The following CPA6 variants were observed in gnomAD, a reference collection of about 807,000 sequenced individuals.
CPA6 encodes the protein carboxypeptidase B.
Under a neutral mutation model 63.3 loss-of-function variants are expected in CPA6, and 58 were observed. The ratio of observed to expected loss-of-function variants is 0.92; its 90% CI spans 0.74 to 1.14. The LOEUF (loss-of-function observed/expected upper bound fraction) is 1.14, where lower values mean the gene tolerates loss of function less well. Among genes scored for constraint, CPA6 ranks in the 50% most tolerant of loss-of-function variants. The probability of loss-of-function intolerance (pLI) is 0.00; values close to 1 mark genes in which losing one functional copy is unlikely to be tolerated. For synonymous variants in CPA6, 185 were observed against 179.0 expected (o/e 1.03, Z -0.27); for missense variants, 565 against 526.6 (o/e 1.07, Z -0.71).
At chr8:67,642,632 G>A (rs1815618713) in intron 1 of CPA6, among the ~76,000 whole-genome samples, 1 of 152,176 alleles carries the variant, frequency 6.6e-6, no homozygotes, top group South Asian at 2.1e-4. Context: ...ACTGGCATGA[G>A]GGTAGTCCAA....
At chr8:67,593,769 C>T (rs1814207367) in intron 2 of CPA6, among the ~76,000 whole-genome samples, 1 of 148,016 alleles carries the variant, frequency 6.8e-6, no homozygotes, top group Non-Finnish European at 1.5e-5. Flanking sequence ...TATTTTGAGC[C>T]TATGTGTGTC....
At chr8:67,597,836 T>G (rs769501547) in intron 2 of CPA6, among the ~76,000 whole-genome samples, 3 of 152,254 alleles carry the variant, frequency 2.0e-5, no homozygotes, top group Non-Finnish European at 2.9e-5. Context: ...GTTCTTTTGT[T>G]CATGTTATCT....
In CPA6 at chr8:67,638,711, C is replaced by T. The variant is rs143140461; in HGVS notation, c.117-14460G>A. Among the ~76,000 whole-genome samples, 1,070 of 151,748 alleles carry T rather than the reference C, an allele frequency of 7.1e-3. 66 individuals carry two copies. Among genetic ancestry groups the T allele is most frequent in the African/African-American group, 0.025 (1,018 of 41,010 alleles). ...CTCGTCCCCTTTCCTCAATTTGAGG[C>T]ATTACTGAAGGACCAATCCATGGTC... On this transcript the variant is annotated intron_variant, in intron 1 of 10. Coordinates refer to ENST00000297770, the MANE Select transcript of CPA6 (RefSeq NM_020361.5).
At chr8:67,690,652 T>A (rs1336796749) in intron 1 of CPA6, among the ~76,000 whole-genome samples, 1 of 152,032 alleles carries the variant, frequency 6.6e-6, no homozygotes, top group Non-Finnish European at 1.5e-5. Context: ...GTAAGACACA[T>A]TAGAAGAGGA....
At position 67,455,663 on chromosome 8, in the gene CPA6, CAAAAAAAAAAAAAAAA is replaced by C. The variant is rs552041509; in HGVS notation, c.839-21439_839-21424del. The stretch of plus-strand genomic sequence containing the variant: ...TAGTGAAGCCCCTTCTCTACAAAAG[CAAAAAAAAAAAAAAAA>C]AAAAAAAAAAAAAAGAAAATGATTG... On this transcript the variant is annotated intron_variant, in intron 8 of 10. Coordinates refer to ENST00000297770, the MANE Select transcript of CPA6 (RefSeq NM_020361.5). Among the ~76,000 whole-genome samples the C allele has an allele frequency of 2.3e-4, 7 of 30,250 alleles. 1 individual carries two copies. The highest frequency in any genetic ancestry group is 1.4e-3 in the Admixed American group (2 of 1,418). 19.8% of individuals were successfully genotyped at this position (30,250 alleles called of 152,430 possible).
chr8:67,426,955 T>A (rs1809900783), intron 10 of CPA6, among the ~76,000 whole-genome samples: 1 of 152,240 alleles, frequency 6.6e-6, no homozygotes, highest in Non-Finnish European at 1.5e-5. Context: ...ATGCCCATAC[T>A]ATGATTCTTT....
chr8:67,567,740 G>A (rs373522605), intron 2 of CPA6, among the ~76,000 whole-genome samples: 137 of 152,272 alleles, frequency 9.0e-4, no homozygotes, highest in African/African-American at 3.1e-3. Context: ...TCTGCCTTCC[G>A]TAAGTTGGCA....
intron 1 of CPA6, among the ~76,000 whole-genome samples, chr8:67,645,091 T>C (rs989901383): frequency 1.3e-5 from 2 of 152,188 alleles, no homozygotes; most frequent in Non-Finnish European, 2.9e-5. Flanking sequence ...TGAAAAATTC[T>C]CAGGGGTATC....
At chr8:67,721,945 G>A (rs530732398) in intron 1 of CPA6, among the ~76,000 whole-genome samples, 1 of 152,082 alleles carries the variant, frequency 6.6e-6, no homozygotes, top group East Asian at 1.9e-4. Context: ...ACCGAGTTTC[G>A]GCCAGTCAAT....
intron 1 of CPA6, among the ~76,000 whole-genome samples, chr8:67,643,996 T>A (rs973620758): frequency 6.6e-6 from 1 of 152,114 alleles, no homozygotes; most frequent in Non-Finnish European, 1.5e-5. Flanking sequence ...AAATAAGACT[T>A]GGTTGAGCAA....
At chr8:67,468,608 A>AAAT (rs1810983847) in intron 8 of CPA6, among the ~76,000 whole-genome samples, 1 of 150,914 alleles carries the variant, frequency 6.6e-6, no homozygotes, top group Admixed American at 6.6e-5. Context: ...AAATAAAATA[A>AAAT]AATAAAATAA....
chr8:67,529,915 C>A lies in CPA6; in HGVS notation c.193-11868G>T, dbSNP rs184914101. 2.8e-3 allele frequency among the ~76,000 whole-genome samples: 429 copies of A among 152,180 alleles called. 2 individuals carry two copies. Among genetic ancestry groups the A allele is most frequent in the African/African-American group, 9.8e-3 (408 of 41,536 alleles). ...ACTATGAATGGGCAGTCAAGACTCA[C>A]CAGATATTCCCTAAAATCTTCCAAC... On this transcript the variant is annotated intron_variant, in intron 2 of 10. Coordinates refer to ENST00000297770, the MANE Select transcript of CPA6 (RefSeq NM_020361.5).
At chr8:67,705,819 T>C (rs1817122095) in intron 1 of CPA6, among the ~76,000 whole-genome samples, 1 of 152,240 alleles carries the variant, frequency 6.6e-6, no homozygotes. Context: ...TTCTACAGTA[T>C]GTGGATAACC....
At chr8:67,568,114 G>C (rs924425734) in intron 2 of CPA6, among the ~76,000 whole-genome samples, 2 of 152,108 alleles carry the variant, frequency 1.3e-5, no homozygotes, top group Admixed American at 6.6e-5. Flanking sequence ...AGTACGAGCT[G>C]GCCCATCCAC....
intron 1 of CPA6, among the ~76,000 whole-genome samples, chr8:67,713,095 G>GTATATATATATATATA (rs755642095): frequency 1.3e-4 from 11 of 86,356 alleles, no homozygotes; most frequent in Admixed American, 2.9e-4. Flanking sequence ...GTGTGTGTGT[G>GTATATATATATATATA]TGTGTATATA....
chr8:67,494,171 G>A (rs1375367444), intron 6 of CPA6, among the ~76,000 whole-genome samples: 1 of 151,478 alleles, frequency 6.6e-6, no homozygotes, highest in Non-Finnish European at 1.5e-5. Context: ...CTCAGACACA[G>A]ATTTTGCAAA....
At position 67,633,083 on chromosome 8, in the gene CPA6, A is replaced by G. The variant is rs145760749; in HGVS notation, c.117-8832T>C. On this transcript the variant is annotated intron_variant, in intron 1 of 10. Transcript: ENST00000297770. ...AAAAACTTTTGATTCATATATTTTG[A>G]TGTGTGTAACTGTATATAAGCTCAA... Among the ~76,000 whole-genome samples, 817 of 152,260 alleles carry G rather than the reference A, an allele frequency of 5.4e-3. 7 individuals carry two copies. Among genetic ancestry groups the G allele is most frequent in the African/African-American group, 0.019 (770 of 41,548 alleles).
At chr8:67,622,542 A>G (rs1419648295) in intron 2 of CPA6, among the ~76,000 whole-genome samples, 1 of 152,170 alleles carries the variant, frequency 6.6e-6, no homozygotes, top group African/African-American at 2.4e-5. Flanking sequence ...CTTGAACTCA[A>G]TACTATTTGT....
chr8:67,607,848 A>T (rs1814706779), intron 2 of CPA6, among the ~76,000 whole-genome samples: 1 of 152,172 alleles, frequency 6.6e-6, no homozygotes, highest in Non-Finnish European at 1.5e-5. Context: ...ACTCTATTTC[A>T]ATGTACCATT....
Sources: gnomAD v4.1 joint callset for allele counts (sites outside exome capture counted in the v4.1 genomes callset) on GRCh38, gnomAD v4.1.1 for gene constraint, MANE v1.5 for transcripts, NCBI Gene and HGNC (gene_info 2026-07-23, HGNC 2026-07-21) for gene names.